KIF26B: variants seen among roughly 807,000 people sequenced by gnomAD.
The protein encoded by KIF26B is kinesin family member 26B.
A neutral mutation model predicts 151.2 loss-of-function variants in KIF26B; 63 were observed. The observed-to-expected ratio is 0.42, with a 90% CI of 0.34 to 0.51. The LOEUF (loss-of-function observed/expected upper bound fraction) is 0.51, where lower values mean the gene tolerates loss of function less well. Ranked by LOEUF, KIF26B falls within the 20% of genes least tolerant of loss-of-function variation. The pLI, the probability that KIF26B is intolerant of heterozygous loss-of-function variation, is 0.07. For synonymous variants in KIF26B, 1,357 were observed against 1,262.1 expected (o/e 1.08, Z -1.59); for missense variants, 2,813 against 2,913.6 (o/e 0.97, Z 0.79).
chr1:245,334,930 C>T (rs908186203), intron 2 of KIF26B, among the ~76,000 whole-genome samples: 1 of 152,156 alleles, frequency 6.6e-6, no homozygotes, highest in African/African-American at 2.4e-5. Flanking sequence ...TATTAGGTGT[C>T]GGAGTTGGGA....
intron 9 of KIF26B, among the ~76,000 whole-genome samples, chr1:245,616,019 C>T (rs1715790): frequency 0.16 from 24,034 of 152,130 alleles, 2,372 homozygotes; most frequent in African/African-American, 0.27. Flanking sequence ...AGATCTCTGC[C>T]GCAAGAACTA....
chr1:245,599,048 G>A (rs1426392948), intron 5 of KIF26B, among the ~76,000 whole-genome samples: 2 of 152,146 alleles, frequency 1.3e-5, no homozygotes, highest in Non-Finnish European at 2.9e-5. Context: ...CCTCTCTGGA[G>A]AGCAGCAGGG....
chr1:245,520,611 C>CCCATCCATCCATCCAT lies in KIF26B; in HGVS notation c.1167-20119_1167-20104dup, dbSNP rs1210147249. ...ATCCATCCATCCATCCACCCACCCA[C>CCCATCCATCCATCCAT]CCATCCATCCATCCATCCATCCATC... On this transcript the variant is annotated intron_variant, in intron 4 of 14. Transcript: ENST00000407071. Among the ~76,000 whole-genome samples, 191 of 78,768 alleles carry CCCATCCATCCATCCAT rather than the reference C, an allele frequency of 2.4e-3. 1 individual carries two copies. The highest frequency in any genetic ancestry group is 6.3e-3 in the African/African-American group (177 of 27,904). 51.7% of individuals were successfully genotyped at this position (78,768 alleles called of 152,430 possible).
chr1:245,219,646 A>G (rs1482128250), intron 2 of KIF26B, among the ~76,000 whole-genome samples: 1 of 152,048 alleles, frequency 6.6e-6, no homozygotes, highest in East Asian at 1.9e-4. Context: ...AGGCGGGAGG[A>G]TCACCTGAGC....
chr1:245,202,202 G>T (rs1669311897), intron 2 of KIF26B, among the ~76,000 whole-genome samples: 1 of 152,164 alleles, frequency 6.6e-6, no homozygotes, highest in African/African-American at 2.4e-5. Context: ...AGCCAGGAAA[G>T]CTCTCATTTA....
chr1:245,504,441 C>CT (rs145517353), intron 4 of KIF26B, among the ~76,000 whole-genome samples: 28,418 of 134,298 alleles, frequency 0.21, 2,986 homozygotes, highest in Middle Eastern at 0.38. Flanking sequence ...CTTTCTTTTT[C>CT]TTTTTTTTTG....
chr1:245,362,295 A>G (rs1405107683), intron 2 of KIF26B, among the ~76,000 whole-genome samples: 3 of 150,244 alleles, frequency 2.0e-5, no homozygotes, highest in Admixed American at 1.3e-4. Flanking sequence ...TTGGGAGGCC[A>G]AGGTGGGCAG....
At chr1:245,478,946 T>G (rs537945151) in intron 4 of KIF26B, among the ~76,000 whole-genome samples, 1 of 151,922 alleles carries the variant, frequency 6.6e-6, no homozygotes, top group Non-Finnish European at 1.5e-5. Flanking sequence ...GTTGTGAGAA[T>G]CAGCCCGAGG....
intron 2 of KIF26B, among the ~76,000 whole-genome samples, chr1:245,221,377 TAAA>T (rs74163026): frequency 1.9e-3 from 255 of 132,004 alleles, no homozygotes; most frequent in South Asian, 4.2e-3. Context: ...AAGTTTGAAG[TAAA>T]AAAAAAAAAA....
At chr1:245,280,650 T>A (rs1234342358) in intron 2 of KIF26B, among the ~76,000 whole-genome samples, 3 of 138,522 alleles carry the variant, frequency 2.2e-5, no homozygotes, top group Non-Finnish European at 4.6e-5. Flanking sequence ...CATGTGCACG[T>A]TGTGCAGGTT....
intron 10 of KIF26B, among the ~76,000 whole-genome samples, chr1:245,663,727 G>A (rs765595453): frequency 3.9e-5 from 6 of 152,116 alleles, no homozygotes; most frequent in South Asian, 2.1e-4. Flanking sequence ...AGAACTAAGC[G>A]TGCAAACCTG....
At chr1:245,415,271 A>G (rs2103033854) in intron 3 of KIF26B, among the ~76,000 whole-genome samples, 1 of 152,316 alleles carries the variant, frequency 6.6e-6, no homozygotes. Context: ...AGAGCTTCAG[A>G]AAGAATTTGG....
chr1:245,553,234 CA>C (rs2103110886), intron 5 of KIF26B, among the ~76,000 whole-genome samples: 1 of 152,326 alleles, frequency 6.6e-6, no homozygotes, highest in Non-Finnish European at 1.5e-5. Flanking sequence ...ATCTGCCCAG[CA>C]TCACATGCCT....
intron 4 of KIF26B, among the ~76,000 whole-genome samples, chr1:245,439,280 A>G (rs1093915): frequency 0.78 from 116,637 of 150,058 alleles, 45,541 homozygotes; most frequent in East Asian, 0.95. Context: ...CCAGGAGGTT[A>G]AGGCTACAGT....
At chr1:245,338,616 G>A (rs1273999165) in intron 2 of KIF26B, among the ~76,000 whole-genome samples, 4 of 152,200 alleles carry the variant, frequency 2.6e-5, no homozygotes, top group Non-Finnish European at 4.4e-5. Context: ...AACTAAGTGT[G>A]AGCACCACAT....
intron 2 of KIF26B, among the ~76,000 whole-genome samples, chr1:245,216,503 G>A (rs1439226101): frequency 6.6e-6 from 1 of 151,862 alleles, no homozygotes; most frequent in Non-Finnish European, 1.5e-5. Flanking sequence ...GTCCCTCAAG[G>A]CAAAACATTT....
At chr1:245,384,521 A>G (rs1269241900) in intron 3 of KIF26B, among the ~76,000 whole-genome samples, 4 of 152,216 alleles carry the variant, frequency 2.6e-5, no homozygotes, top group African/African-American at 7.2e-5. Flanking sequence ...TCCTGGGCTC[A>G]AGTGGTCCTC....
At chr1:245,590,275 G>A (rs971573004) in intron 5 of KIF26B, among the ~76,000 whole-genome samples, 3 of 150,062 alleles carry the variant, frequency 2.0e-5, no homozygotes, top group Non-Finnish European at 4.5e-5. Flanking sequence ...CGGGGTCCCT[G>A]GGGTCCCGGG....
intron 4 of KIF26B, among the ~76,000 whole-genome samples, chr1:245,433,159 C>T (rs2103042671): frequency 6.6e-6 from 1 of 152,214 alleles, no homozygotes; most frequent in South Asian, 2.1e-4. Context: ...TTTCAAGAGA[C>T]TCAAATATTT....
Sources: allele counts gnomAD v4.1 joint callset (sites outside exome capture counted in the v4.1 genomes callset), GRCh38; gene constraint gnomAD v4.1.1; transcripts MANE v1.5; gene names NCBI Gene and HGNC (gene_info 2026-07-23, HGNC 2026-07-21).